Variants in KSR1 observed in about 807,000 individuals in gnomAD.
KSR1 encodes kinase suppressor of ras.
In KSR1, 35 loss-of-function variants were observed where a neutral mutation model predicts 92.9. That is an observed-to-expected ratio of 0.38 (90% CI 0.29 to 0.50). The LOEUF (loss-of-function observed/expected upper bound fraction) is 0.50. Among genes scored for constraint, KSR1 ranks in the 20% least tolerant of loss-of-function variants. The probability of loss-of-function intolerance (pLI) is 0.94; values close to 1 mark genes in which losing one functional copy is unlikely to be tolerated. For missense variants in KSR1, 972 were observed against 1,158.5 expected (o/e 0.84, Z 2.34); for synonymous variants, 467 against 472.6 (o/e 0.99, Z 0.15).
chr17:27,604,523 C>G (rs546255666), intron 12 of KSR1, among the ~76,000 whole-genome samples, 157 bp from the exon 13 acceptor site: 1 of 152,218 alleles, frequency 6.6e-6, no homozygotes, highest in Non-Finnish European at 1.5e-5. Context: ...GGCCCTCAGC[C>G]TCCTGCCTAT....
intron 9 of KSR1, among the ~76,000 whole-genome samples, chr17:27,593,034 C>T (rs2073221091): frequency 1.3e-5 from 2 of 152,194 alleles, no homozygotes; most frequent in Admixed American, 6.5e-5. Context: ...AAAACCTGGG[C>T]CCTTAGTCAC....
chr17:27,470,272 C>A (rs1224889562), intron 1 of KSR1, among the ~76,000 whole-genome samples: 1 of 138,782 alleles, frequency 7.2e-6, no homozygotes, highest in Non-Finnish European at 1.5e-5. Context: ...GACAGACTCT[C>A]GCTCTGTGGC....
intron 1 of KSR1, among the ~76,000 whole-genome samples, chr17:27,548,801 G>T (rs371796886): frequency 6.6e-6 from 1 of 151,174 alleles, no homozygotes. Flanking sequence ...CTGCACCCCA[G>T]CCTGCCAGCC....
intron 2 of KSR1, among the ~76,000 whole-genome samples, chr17:27,569,758 G>A (rs1393713197): frequency 6.6e-6 from 1 of 152,252 alleles, no homozygotes. Flanking sequence ...GCAGAGTGGA[G>A]CAGTTTCGAC....
At chr17:27,480,600 GT>G (rs1227590227) in intron 1 of KSR1, among the ~76,000 whole-genome samples, 6 of 152,240 alleles carry the variant, frequency 3.9e-5, no homozygotes, top group Non-Finnish European at 8.8e-5. Flanking sequence ...GTTTCTTCAT[GT>G]TGGCCAGACT....
chr17:27,525,264 G>A (rs2070214061), intron 1 of KSR1, among the ~76,000 whole-genome samples: 1 of 152,244 alleles, frequency 6.6e-6, no homozygotes, highest in East Asian at 1.9e-4. Context: ...GCACAAGGGG[G>A]TGAAGGGTTC....
chr17:27,610,366 G>A (rs990415673), intron 17 of KSR1, among the ~76,000 whole-genome samples, 168 bp downstream of exon 17: 4 of 152,136 alleles, frequency 2.6e-5, no homozygotes, highest in Non-Finnish European at 5.9e-5. Context: ...ATGGTCTTGA[G>A]TCCTGGCTCT....
At chr17:27,621,109 T>G in intron 19 of KSR1, 84 bp from the exon 20 acceptor site, 1 of 398,464 alleles carries the variant, frequency 2.5e-6, no homozygotes, top group Non-Finnish European at 4.4e-6. Flanking sequence ...CCTCCACCTG[T>G]CCACACGTGC....
intron 14 of KSR1, among the ~76,000 whole-genome samples, chr17:27,606,347 C>T (rs1482533197): frequency 2.0e-5 from 3 of 152,210 alleles, no homozygotes; most frequent in African/African-American, 4.8e-5. Context: ...TGCAACTGAG[C>T]GCTTCTCCCC....
intron 1 of KSR1, among the ~76,000 whole-genome samples, chr17:27,543,185 C>T (rs570826250): frequency 6.6e-6 from 1 of 152,350 alleles, no homozygotes; most frequent in Admixed American, 6.5e-5. Flanking sequence ...AATGGTCTTG[C>T]TTTTAGAGGC....
rs10438802 is a variant in KSR1 at position 27,527,394 on chromosome 17, C to G, written c.232-23174C>G. On this transcript the variant is annotated intron_variant, in intron 1 of 20. Transcript: ENST00000644974. ...GAGACACTGCAGTGGCACACCCGCC[C>G]CCCCCCCCCCCTTTTTTTTCTTTTT... is the stretch of plus-strand genomic sequence containing the variant. Among the ~76,000 whole-genome samples, 22 of 54,994 alleles carry G rather than the reference C, an allele frequency of 4.0e-4. 5 individuals are homozygous for G. Among genetic ancestry groups the G allele is most frequent in the African/African-American group, 1.6e-3 (18 of 11,294 alleles). 36.1% of individuals were successfully genotyped at this position (54,994 alleles called of 152,430 possible). A position where few individuals can be genotyped will look rare whatever the true frequency, so the allele number is the denominator to read the frequency against.
chr17:27,503,091 A>C (rs1464328357), intron 1 of KSR1, among the ~76,000 whole-genome samples: 1 of 152,216 alleles, frequency 6.6e-6, no homozygotes, highest in African/African-American at 2.4e-5. Context: ...CAGATGAGAA[A>C]ACTGTCTCTT....
chr17:27,544,046 A>G (rs1487164105), intron 1 of KSR1, among the ~76,000 whole-genome samples: 1 of 152,206 alleles, frequency 6.6e-6, no homozygotes. Flanking sequence ...TGCCGCCGCA[A>G]GAGTGTTTTC....
chr17:27,503,840 C>CG (rs1195822997), intron 1 of KSR1, among the ~76,000 whole-genome samples: 2 of 152,094 alleles, frequency 1.3e-5, no homozygotes, highest in Non-Finnish European at 2.9e-5. Flanking sequence ...TAAGGAGGTG[C>CG]GGGTCGGAGC....
At chr17:27,585,969 C>T (rs1749720975) in intron 5 of KSR1, 1 of 435,654 alleles carries the variant, frequency 2.3e-6, no homozygotes. Flanking sequence ...GACTCTCCAG[C>T]AGGGACTCTG....
chr17:27,576,033 G>A (rs902178840), intron 2 of KSR1, among the ~76,000 whole-genome samples: 1 of 152,186 alleles, frequency 6.6e-6, no homozygotes, highest in African/African-American at 2.4e-5. Context: ...GGAGGTCTGA[G>A]GTCCTCATTC....
intron 1 of KSR1, among the ~76,000 whole-genome samples, chr17:27,487,712 A>G (rs2068710175): frequency 6.6e-6 from 1 of 151,928 alleles, no homozygotes; most frequent in African/African-American, 2.4e-5. Flanking sequence ...AGGCTGGAGC[A>G]AGTATAGTGG....
rs1031041937 is a variant in KSR1, at chr17:27,592,430, TTCTGCCTTCCTCTCC to T, written c.1192+18_1192+32del. The T allele has an allele frequency of 2.5e-5, 40 of 1,613,946 alleles. No homozygotes were observed. The Middle Eastern group carries it at 1.3e-3, about 53-fold the overall frequency. On this transcript the variant is annotated intron_variant, in intron 8 of 20. Coordinates refer to ENST00000644974, the MANE Select transcript of KSR1 (RefSeq NM_001394583.1). ...GAATATCCTTCCTGCCACGTGAGTT[TTCTGCCTTCCTCTCC>T]TCTGCCTTCTGGATTTGGGTGAATC...
rs1172566037 is a variant in KSR1, at chr17:27,577,521, C to A, written c.402C>A (p.Ala134=). The A allele has an allele frequency of 5.6e-6, 9 of 1,599,082 alleles. No homozygotes were observed. The African/African-American group carries it at 1.1e-4, about 19-fold the overall frequency. ...QEIPRDLTLD[A]LLEMNEAKVK... is the part of the protein sequence containing the mutation. ...TCCCCCGAGACCTCACGCTGGATGC[C>A]CTGCTGGAGATGAATGAGGCCAAGG... The change falls in exon 3 of 21, where the codon GCC becomes GCA. Residue 134 remains alanine, a synonymous_variant. Transcript: ENST00000644974. This position sits in a 1 kb window ranked among gnomAD's most constrained non-coding sequence, Gnocchi z 4.5.
Sources: allele counts gnomAD v4.1 joint callset (sites outside exome capture counted in the v4.1 genomes callset), GRCh38; gene constraint gnomAD v4.1.1; non-coding constraint Gnocchi (gnomAD v3.1); transcripts MANE v1.5; gene names NCBI Gene and HGNC (gene_info 2026-07-23, HGNC 2026-07-21).